ANK3: variants seen among roughly 807,000 people sequenced by gnomAD.
ANK3 encodes the protein ankyrin-3.
Under a neutral mutation model 370.9 loss-of-function variants are expected in ANK3, and 57 were observed. The ratio of observed to expected loss-of-function variants is 0.15; its 90% CI spans 0.12 to 0.19. ANK3 has a LOEUF of 0.19. ANK3 is among the 10% of genes least tolerant of loss of function. ANK3 has a pLI of 1.00. For synonymous variants in ANK3, 1,929 were observed against 1,946.3 expected (o/e 0.99, Z 0.23); for missense variants, 4,439 against 5,302.1 (o/e 0.84, Z 5.06).
At chr10:60,607,126 C>A (rs1419869301) in intron 2 of ANK3, among the ~76,000 whole-genome samples, 2 of 152,132 alleles carry the variant, frequency 1.3e-5, no homozygotes, top group African/African-American at 4.8e-5. Context: ...TATATGCACT[C>A]ATTGAACACA....
chr10:60,073,871 C>G lies in ANK3; in HGVS notation c.7010G>C (p.Gly2337Ala). The G allele has an allele frequency of 6.2e-7, 1 of 1,613,728 alleles. No individual in the cohort carries two copies. The highest frequency in any genetic ancestry group is 1.7e-5 in the Admixed American group (1 of 60,012). ...GACTTCAGTGGGCTCAGCTTGGTTA[C>G]CTTTTTCGATGTGGACTTCTATTAT... ...ERIIEVHIEK[G>A]NQAEPTEVII... The change falls in exon 37 of 44, where the codon GGT (glycine) becomes GCT (alanine). Residue 2337 changes from glycine to alanine, a missense_variant. Transcript: ENST00000280772.
rs767300650 is a variant in ANK3, at chr10:60,263,969, C to T, written c.565G>A (p.Val189Ile). ...GTGTCATTCTCTAGCAGGAGCGAAA[C>T]GACTTGGTCGTGACCTTGTTGCAAA... is the stretch of plus-strand genomic sequence containing the variant. ...VALQQGHDQV[V>I]SLLLENDTKG... Residue 189 changes from valine to isoleucine, a missense_variant, in exon 6 of 44, where the codon GTT becomes ATT. By Grantham distance (29) the Val-to-Ile change is conservative. Transcript: ENST00000280772. 9 of 1,613,998 alleles carry T rather than the reference C, an allele frequency of 5.6e-6. No homozygotes were observed. Among genetic ancestry groups the T allele is most frequent in the African/African-American group, 1.3e-5 (1 of 74,914 alleles).
chr10:60,053,562 A>T, intron 42 of ANK3: 1 of 730,310 alleles, frequency 1.4e-6, no homozygotes, highest in Non-Finnish European at 1.9e-6. Flanking sequence ...GATTCCTTTT[A>T]GTGAATTATC....
chr10:60,320,726 A>G (rs1041902702), intron 1 of ANK3, among the ~76,000 whole-genome samples: 1 of 152,208 alleles, frequency 6.6e-6, no homozygotes, highest in Non-Finnish European at 1.5e-5. Flanking sequence ...TGACTTCCCC[A>G]TCTATTTTGG....
intron 7 of ANK3, among the ~76,000 whole-genome samples, chr10:60,247,164 C>T (rs993052148): frequency 2.0e-5 from 3 of 151,912 alleles, no homozygotes; most frequent in Non-Finnish European, 2.9e-5. Context: ...TACAGGTGCC[C>T]GCCACCACGC....
intron 1 of ANK3, among the ~76,000 whole-genome samples, chr10:60,696,388 C>T (rs1002693738): frequency 6.7e-6 from 1 of 149,704 alleles, no homozygotes; most frequent in African/African-American, 2.5e-5. Flanking sequence ...GGGAATCCTC[C>T]CTAACTCATT....
chr10:60,387,835 G>T (rs1182430116), intron 1 of ANK3, among the ~76,000 whole-genome samples: 1 of 152,092 alleles, frequency 6.6e-6, no homozygotes, highest in South Asian at 2.1e-4. Flanking sequence ...AGGCACAAAG[G>T]TAACAGATCT....
chr10:60,601,416 T>G (rs2133305840), intron 2 of ANK3, among the ~76,000 whole-genome samples: 1 of 152,230 alleles, frequency 6.6e-6, no homozygotes, highest in Non-Finnish European at 1.5e-5. Context: ...GCAGATAATC[T>G]TGTTATTAGT....
intron 2 of ANK3, among the ~76,000 whole-genome samples, chr10:60,398,735 G>A (rs1218926227): frequency 6.6e-6 from 1 of 152,150 alleles, no homozygotes; most frequent in African/African-American, 2.4e-5. Context: ...CTCAACAAAT[G>A]GTCAGCAAGC....
chr10:60,462,106 G>T (rs980136637), intron 2 of ANK3, among the ~76,000 whole-genome samples: 1 of 152,088 alleles, frequency 6.6e-6, no homozygotes, highest in South Asian at 2.1e-4. Context: ...ATTTGGTCAA[G>T]AGCTGGCAGA....
intron 1 of ANK3, among the ~76,000 whole-genome samples, chr10:60,722,056 C>A (rs1366120051): frequency 6.6e-6 from 1 of 151,994 alleles, no homozygotes; most frequent in Non-Finnish European, 1.5e-5. Flanking sequence ...ATCAGTTATA[C>A]ACATTGAGAC....
intron 1 of ANK3, among the ~76,000 whole-genome samples, chr10:60,291,340 C>T (rs572774030): frequency 1.3e-5 from 2 of 152,210 alleles, no homozygotes; most frequent in African/African-American, 4.8e-5. Context: ...AATATAGTAA[C>T]ATTTTGTCTT....
intron 21 of ANK3, among the ~76,000 whole-genome samples, chr10:60,168,018 C>T (rs2095669754): frequency 6.6e-6 from 1 of 152,022 alleles, no homozygotes; most frequent in South Asian, 2.1e-4. Context: ...TTATTAAAAT[C>T]TTCATTGATA....
At chr10:60,217,313 T>C (rs2132472292) in intron 8 of ANK3, among the ~76,000 whole-genome samples, 1 of 152,224 alleles carries the variant, frequency 6.6e-6, no homozygotes, top group African/African-American at 2.4e-5. Flanking sequence ...TTGGATTCAT[T>C]TGTTCTTGTC....
At chr10:60,339,370 A>G (rs1215468344) in intron 1 of ANK3, among the ~76,000 whole-genome samples, 2 of 152,178 alleles carry the variant, frequency 1.3e-5, no homozygotes, top group Admixed American at 1.3e-4. Context: ...ATACCTGTAC[A>G]TGTCTCTCTT....
intron 5 of ANK3, 149 bp from the exon 6 acceptor site, chr10:60,264,169 G>T: frequency 1.6e-6 from 1 of 615,674 alleles, no homozygotes. Context: ...ACAGAAATGT[G>T]AAAGATATTT....
chr10:60,430,146 A>C lies in ANK3; in HGVS notation c.97-150507T>G, dbSNP rs117070415. On this transcript the variant is annotated intron_variant, in intron 2 of 43. Coordinates refer to the ANK3 transcript ENST00000373827. ...TCCATTATTTAAAGTTTTTCTGAAC[A>C]ATGCATTTAACTAGCACCAGTGTGG... Among the ~76,000 whole-genome samples the C allele has an allele frequency of 2.2e-3, 342 of 152,346 alleles. 2 individuals carry two copies. The highest frequency in any genetic ancestry group is 0.018 in the East Asian group (95 of 5,184).
intron 8 of ANK3, among the ~76,000 whole-genome samples, chr10:60,227,523 C>T (rs1444133985): frequency 6.6e-6 from 1 of 152,038 alleles, no homozygotes; most frequent in African/African-American, 2.4e-5. Context: ...TCTCTTTCTC[C>T]TTTGCCTGTT....
chr10:60,071,859 G>A lies in ANK3; in HGVS notation c.9022C>T (p.His3008Tyr). 6.2e-7 allele frequency: 1 copy of A among 1,613,990 alleles called. No individual in the cohort carries two copies. The highest frequency in any genetic ancestry group is 8.5e-7 in the Non-Finnish European group (1 of 1,179,972). The change falls in exon 37 of 44, where the codon CAC (histidine) becomes TAC (tyrosine). Residue 3008 changes from histidine to tyrosine, a missense_variant. Around this residue, in one of 13 missense-constraint regions of ANK3, gnomAD observed 1,601 missense variants for 1,731.7 expected, o/e 0.92. Coordinates refer to ENST00000280772, the MANE Select transcript of ANK3 (RefSeq NM_020987.5). ...SMSKETVETQ[H>Y]FNSIEDEKVT... ...TTTTCATCTTCTATAGAATTAAAGT[G>A]CTGTGTCTCAACTGTCTCTTTACTC...
Sources: allele counts gnomAD v4.1 joint callset (sites outside exome capture counted in the v4.1 genomes callset), GRCh38; gene constraint gnomAD v4.1.1; regional missense constraint gnomAD v4.1.1; transcripts MANE v1.5; gene names NCBI Gene and HGNC (gene_info 2026-07-23, HGNC 2026-07-21).